LTBP1: variants seen among roughly 807,000 people sequenced by gnomAD.
LTBP1 encodes latent transforming growth factor beta binding protein 1.
LTBP1 carries 129 observed loss-of-function variants against 207.6 expected under a neutral mutation model. That is an observed-to-expected ratio of 0.62 (90% CI 0.54 to 0.72). LTBP1 has a LOEUF of 0.72. Among genes scored for constraint, LTBP1 ranks in the 30% least tolerant of loss-of-function variants. The probability of loss-of-function intolerance (pLI) is 0.00; values close to 1 mark genes in which losing one functional copy is unlikely to be tolerated. For synonymous variants in LTBP1, 963 were observed against 833.7 expected, an observed-to-expected ratio of 1.16 and a Z score of -2.67; for missense variants, 2,281 against 2,217.2, an observed-to-expected ratio of 1.03 and a Z score of -0.58.
intron 5 of LTBP1, among the ~76,000 whole-genome samples, chr2:33,140,671 T>TA (rs1219061404): frequency 1.3e-5 from 1 of 77,302 alleles, no homozygotes; most frequent in East Asian, 9.5e-4. Context: ...ATTAATTAAT[T>TA]TTTTTTTTTT....
chr2:33,276,787 G>T (rs1415485161), intron 18 of LTBP1, among the ~76,000 whole-genome samples: 3 of 152,252 alleles, frequency 2.0e-5, no homozygotes, highest in Non-Finnish European at 4.4e-5. Context: ...GGAGGCAGAG[G>T]TTGCAGTGAG....
chr2:33,005,133 T>G (rs1156882930), intron 2 of LTBP1, among the ~76,000 whole-genome samples: 1 of 152,180 alleles, frequency 6.6e-6, no homozygotes, highest in Non-Finnish European at 1.5e-5. Flanking sequence ...TGAAGTGAAG[T>G]GACTCTTTGG....
At chr2:33,235,093 TATC>T (rs1389723447) in intron 9 of LTBP1, among the ~76,000 whole-genome samples, 2 of 152,122 alleles carry the variant, frequency 1.3e-5, no homozygotes, top group African/African-American at 4.8e-5. Context: ...CAAAAGAAAC[TATC>T]ATCAGTGCAA....
At chr2:33,291,464 T>A (rs1345072831) in intron 19 of LTBP1, 1 of 152,240 alleles carries the variant, frequency 6.6e-6, no homozygotes, top group South Asian at 2.1e-4. Context: ...TTTCTATGCC[T>A]GGTGTCTAGG....
intron 5 of LTBP1, among the ~76,000 whole-genome samples, chr2:33,138,872 T>A (rs1390522537): frequency 8.4e-6 from 1 of 119,318 alleles, no homozygotes; most frequent in African/African-American, 2.9e-5. Context: ...TTTTTTTTTT[T>A]TTTTGAGACG....
intron 3 of LTBP1, among the ~76,000 whole-genome samples, chr2:33,079,682 A>T (rs596892): frequency 1.3e-5 from 2 of 152,052 alleles, no homozygotes; most frequent in South Asian, 2.1e-4. Context: ...GACTTCTCCC[A>T]GTTCTGGTCC....
intron 32 of LTBP1, among the ~76,000 whole-genome samples, chr2:33,389,666 G>A (rs1443681513): frequency 6.6e-6 from 1 of 152,202 alleles, no homozygotes; most frequent in East Asian, 1.9e-4. Flanking sequence ...TTGAGATGGA[G>A]TCTCGCTGTG....
intron 9 of LTBP1, among the ~76,000 whole-genome samples, chr2:33,237,533 T>A (rs187731291): frequency 1.3e-4 from 20 of 152,380 alleles, no homozygotes; most frequent in Non-Finnish European, 2.2e-4. Flanking sequence ...ATAGGTTAAT[T>A]TCTGGCACAT....
intron 7 of LTBP1, among the ~76,000 whole-genome samples, chr2:33,190,848 G>T (rs977432158): frequency 6.6e-6 from 1 of 152,154 alleles, no homozygotes; most frequent in Admixed American, 6.5e-5. Flanking sequence ...GCGACTACAG[G>T]GGACCTAACG....
chr2:32,953,716 G>C, intron 2 of LTBP1, among the ~76,000 whole-genome samples: 1 of 152,200 alleles, frequency 6.6e-6, no homozygotes, highest in South Asian at 2.1e-4. Flanking sequence ...GTGAACCCTG[G>C]GCCCTTAGGA....
intron 7 of LTBP1, among the ~76,000 whole-genome samples, chr2:33,214,774 C>G (rs2090557214): frequency 6.6e-6 from 1 of 151,734 alleles, no homozygotes; most frequent in Non-Finnish European, 1.5e-5. Flanking sequence ...GAGTTACTGC[C>G]CCGGTTTCAA....
At chr2:33,172,386 A>G (rs2085545662) in intron 5 of LTBP1, among the ~76,000 whole-genome samples, 1 of 152,190 alleles carries the variant, frequency 6.6e-6, no homozygotes, top group South Asian at 2.1e-4. Flanking sequence ...TTAAACCAAC[A>G]AAGATCAAAA....
intron 2 of LTBP1, among the ~76,000 whole-genome samples, chr2:32,988,718 T>C (rs1412182089): frequency 5.9e-5 from 9 of 152,208 alleles, no homozygotes; most frequent in African/African-American, 1.9e-4. Context: ...CTTTCCCACC[T>C]TCCACATGCT....
chr2:33,345,197 C>G (rs1488357905), intron 25 of LTBP1, among the ~76,000 whole-genome samples: 1 of 152,244 alleles, frequency 6.6e-6, no homozygotes, highest in Non-Finnish European at 1.5e-5. Flanking sequence ...TATCATTTCT[C>G]TAACCCACCC....
At chr2:33,253,362 G>T (rs780985694) in intron 11 of LTBP1, among the ~76,000 whole-genome samples, 2 of 152,176 alleles carry the variant, frequency 1.3e-5, no homozygotes, top group African/African-American at 2.4e-5. Context: ...GAAAACTTCT[G>T]TGGGAGTTGA....
intron 32 of LTBP1, among the ~76,000 whole-genome samples, chr2:33,394,680 G>A (rs527540435): frequency 2.0e-5 from 3 of 152,074 alleles, no homozygotes; most frequent in Non-Finnish European, 4.4e-5. Context: ...GTTTTGGTAC[G>A]AGCATCATGC....
At chr2:33,321,359 A>C (rs74453646) in intron 24 of LTBP1, among the ~76,000 whole-genome samples, 1 of 152,226 alleles carries the variant, frequency 6.6e-6, no homozygotes, top group East Asian at 1.9e-4. Flanking sequence ...AAAATTGCCA[A>C]TGCGTTGACG....
intron 5 of LTBP1, among the ~76,000 whole-genome samples, chr2:33,169,389 A>G (rs2085225411): frequency 6.6e-6 from 1 of 152,248 alleles, no homozygotes. Flanking sequence ...TTTAGAAAAT[A>G]GGAAAGGAAG....
chr2:33,298,416 C>A (rs950316917), intron 20 of LTBP1, among the ~76,000 whole-genome samples: 1 of 152,182 alleles, frequency 6.6e-6, no homozygotes, highest in Non-Finnish European at 1.5e-5. Flanking sequence ...CAGACATCTT[C>A]ACATGGGAAT....
Sources: gnomAD v4.1 joint callset for allele counts (sites outside exome capture counted in the v4.1 genomes callset) on GRCh38, gnomAD v4.1.1 for gene constraint, MANE v1.5 for transcripts, NCBI Gene and HGNC (gene_info 2026-07-23, HGNC 2026-07-21) for gene names.